Variants in IRAG2 observed in about 807,000 individuals in gnomAD.
IRAG2 encodes the protein inositol 1,4,5-triphosphate receptor associated 2.
In IRAG2, 45 loss-of-function variants were observed where a neutral mutation model predicts 69.9. The observed-to-expected ratio is 0.64, with a 90% CI of 0.51 to 0.83. IRAG2 has a LOEUF of 0.83. IRAG2 is among the 40% of genes least tolerant of loss of function. The pLI, the probability that IRAG2 is intolerant of heterozygous loss-of-function variation, is 0.00. For synonymous variants in IRAG2, 193 were observed against 202.4 expected (o/e 0.95, Z 0.40); for missense variants, 520 against 587.0 (o/e 0.89, Z 1.18).
chr12:25,057,252 ATTTTTTTTT>A (rs368710047), intron 1 of IRAG2, among the ~76,000 whole-genome samples: 1 of 89,048 alleles, frequency 1.1e-5, no homozygotes, highest in Non-Finnish European at 2.0e-5. Flanking sequence ...AGGTAGACAG[ATTTTTTTTT>A]TTTTTTTTTT....
chr12:25,023,696 G>A (rs1195961971), intron 7 of IRAG2, among the ~76,000 whole-genome samples: 1 of 152,134 alleles, frequency 6.6e-6, no homozygotes, highest in Non-Finnish European at 1.5e-5. Context: ...AGATCCCCAA[G>A]TACCTGTAGG....
chr12:25,063,019 C>A, intron 3 of IRAG2, 119 bp downstream of exon 3: 1 of 395,462 alleles, frequency 2.5e-6, no homozygotes, highest in Non-Finnish European at 4.5e-6. Flanking sequence ...TTGCTTTTAT[C>A]AAGAGATTAT....
At chr12:25,075,883 T>C (rs1215913251) in intron 6 of IRAG2, 1 of 152,208 alleles carries the variant, frequency 6.6e-6, no homozygotes, top group Non-Finnish European at 1.5e-5. Context: ...TAGATTATCT[T>C]TCTCATGATC....
intron 16 of IRAG2, among the ~76,000 whole-genome samples, chr12:25,041,672 G>GTTTTTTTTTTT (rs71063390): frequency 7.4e-6 from 1 of 134,944 alleles, no homozygotes. Context: ...GTTTTTTTTT[G>GTTTTTTTTTTT]TTTTTTTTTT....
chr12:25,058,526 A>G (rs1035892906), intron 1 of IRAG2, among the ~76,000 whole-genome samples: 1 of 152,228 alleles, frequency 6.6e-6, no homozygotes, highest in Admixed American at 6.5e-5. Context: ...TATTTTTAAT[A>G]TACAATTTTA....
chr12:25,100,758 T>A (rs1948707909), intron 15 of IRAG2: 1 of 153,476 alleles, frequency 6.5e-6, no homozygotes, highest in African/African-American at 2.4e-5. Flanking sequence ...TATGTAGTCT[T>A]TCACCAAAAT....
chr12:25,084,400 AAAAG>A (rs925244007), intron 10 of IRAG2, among the ~76,000 whole-genome samples: 30 of 152,168 alleles, frequency 2.0e-4, no homozygotes, highest in African/African-American at 7.0e-4. Flanking sequence ...AAAAAGAAAA[AAAAG>A]AGAGAGAGAG....
intron 15 of IRAG2, among the ~76,000 whole-genome samples, chr12:25,097,767 TAA>T (rs931382133): frequency 2.6e-5 from 4 of 152,258 alleles, no homozygotes; most frequent in Non-Finnish European, 4.4e-5. Flanking sequence ...TCATTTTTAC[TAA>T]AGTTATATAT....
At chr12:25,035,249 G>C (rs1438819851) in intron 13 of IRAG2, among the ~76,000 whole-genome samples, 1 of 152,178 alleles carries the variant, frequency 6.6e-6, no homozygotes, top group Non-Finnish European at 1.5e-5. Flanking sequence ...AATGTACTTT[G>C]TGAAACATCA....
chr12:25,063,765 C>T lies in IRAG2; in HGVS notation c.-258C>T. ...ATATGGTGGTCAAGAAGCAAGAATA[C>T]ATCAGACACCCCTGACCTTGAAACA... On this transcript the variant is annotated 5_prime_UTR_variant, in exon 4 of 22. Coordinates refer to ENST00000556887, the MANE Select transcript of IRAG2 (RefSeq NM_001366544.2). 1 of 399,056 alleles carries T rather than the reference C, an allele frequency of 2.5e-6. No homozygotes were observed. 24.7% of individuals were successfully genotyped at this position (399,056 alleles called of 1,614,324 possible).
At chr12:25,006,506 ATG>A (rs1944432493) in intron 2 of IRAG2, 1 of 152,244 alleles carries the variant, frequency 6.6e-6, no homozygotes, top group African/African-American at 2.4e-5. Context: ...GATAAATAAA[ATG>A]TGGTACCTAC....
intron 10 of IRAG2, chr12:25,031,074 A>G (rs1012980): frequency 0.3 from 293,328 of 983,368 alleles, 44,879 homozygotes; most frequent in Admixed American, 0.46. Context: ...GCCTCAGTCA[A>G]TAATCTTCCA....
chr12:25,011,461 T>A, exon 3 of IRAG2: 1 of 1,231,712 alleles, frequency 8.1e-7, no homozygotes, highest in Non-Finnish European at 1.0e-6. Context: ...TTGTGGAACA[T>A]GCTTGATCCT....
intron 6 of IRAG2, among the ~76,000 whole-genome samples, chr12:25,078,657 AATTAAG>A (rs1946984737): frequency 1.3e-5 from 2 of 152,194 alleles, no homozygotes; most frequent in Non-Finnish European, 2.9e-5. Context: ...TCCTTGTAGA[AATTAAG>A]AGGTTCATAG....
At chr12:25,044,242 G>A (rs192921259) in intron 16 of IRAG2, among the ~76,000 whole-genome samples, 1 of 151,960 alleles carries the variant, frequency 6.6e-6, no homozygotes, top group East Asian at 1.9e-4. Context: ...TACGCTCCAT[G>A]GTAATGCCAA....
chr12:25,000,371 T>C (rs181823433), upstream of IRAG2, among the ~76,000 whole-genome samples: 48 of 152,174 alleles, frequency 3.2e-4, 1 homozygote, highest in African/African-American at 1.1e-3. Context: ...CACCTGAGCC[T>C]GGGAGGTGGA....
At position 25,108,075 on chromosome 12, in the gene IRAG2, AATATATGGATCTTG is replaced by A; in HGVS notation, c.*18_*31del. 1 of 1,607,454 alleles carries A rather than the reference AATATATGGATCTTG, an allele frequency of 6.2e-7. No homozygotes were observed. Among genetic ancestry groups the A allele is most frequent in the East Asian group, 2.2e-5 (1 of 44,742 alleles). On this transcript the variant is annotated 3_prime_UTR_variant, in exon 22 of 22. Transcript: ENST00000556887. ...CACCAGTGTGACAGCAGGACATCCT[AATATATGGATCTTG>A]ATTTTTAAGTTTCAGTATCTGAACT...
intron 6 of IRAG2, among the ~76,000 whole-genome samples, chr12:25,018,625 A>G (rs980569706): frequency 2.6e-5 from 4 of 152,238 alleles, no homozygotes; most frequent in African/African-American, 9.6e-5. Context: ...CAATTGGCTT[A>G]TTTATTATTT....
At chr12:25,107,757 A>T (rs756025051) in intron 21 of IRAG2, 60 bp from the exon 22 acceptor site, 64 of 1,542,606 alleles carry the variant, frequency 4.1e-5, no homozygotes, top group Non-Finnish European at 5.4e-5. Context: ...GTGTTAGCAA[A>T]AGGAATGTTT....
Sources: gnomAD v4.1 joint callset for allele counts (sites outside exome capture counted in the v4.1 genomes callset) on GRCh38, gnomAD v4.1.1 for gene constraint, MANE v1.5 for transcripts, NCBI Gene and HGNC (gene_info 2026-07-23, HGNC 2026-07-21) for gene names.